Variants in PPP1R9A observed in about 807,000 individuals in gnomAD.
PPP1R9A encodes the protein protein phosphatase 1 regulatory subunit 9A.
Under a neutral mutation model 141.9 loss-of-function variants are expected in PPP1R9A, and 59 were observed. The ratio of observed to expected loss-of-function variants is 0.42; its 90% CI spans 0.34 to 0.52. PPP1R9A has a LOEUF of 0.52. Among genes scored for constraint, PPP1R9A ranks in the 20% least tolerant of loss-of-function variants. PPP1R9A has a pLI of 0.10. For missense variants in PPP1R9A, 1,444 were observed against 1,611.9 expected, an observed-to-expected ratio of 0.90 and a Z score of 1.78; for synonymous variants, 500 against 569.7, an observed-to-expected ratio of 0.88 and a Z score of 1.74.
chr7:95,196,594 A>G (rs111747752), intron 5 of PPP1R9A, among the ~76,000 whole-genome samples: 95 of 152,290 alleles, frequency 6.2e-4, no homozygotes, highest in African/African-American at 2.1e-3. Context: ...AATGTGGTAT[A>G]TTGAATACAA....
intron 2 of PPP1R9A, among the ~76,000 whole-genome samples, chr7:94,930,586 C>A (rs1355667094): frequency 6.6e-6 from 1 of 152,062 alleles, no homozygotes; most frequent in South Asian, 2.1e-4. Flanking sequence ...TGATTTTGCC[C>A]GCCTCGGCCT....
At chr7:94,990,708 C>T (rs1451901706) in intron 2 of PPP1R9A, among the ~76,000 whole-genome samples, 1 of 151,726 alleles carries the variant, frequency 6.6e-6, no homozygotes, top group African/African-American at 2.4e-5. Context: ...CTTCCTTGTG[C>T]TTCCCCTTCT....
intron 2 of PPP1R9A, among the ~76,000 whole-genome samples, chr7:94,971,214 G>A (rs1385162127): frequency 6.6e-6 from 1 of 152,158 alleles, no homozygotes; most frequent in Admixed American, 6.5e-5. Flanking sequence ...CCTCCCACTG[G>A]GGGTCAGGGT....
At chr7:95,111,611 G>A (rs889940069) in intron 3 of PPP1R9A, among the ~76,000 whole-genome samples, 10 of 152,068 alleles carry the variant, frequency 6.6e-5, no homozygotes, top group African/African-American at 1.2e-4. Context: ...AGCTGGCTGC[G>A]ATGGTGGTTA....
chr7:95,148,038 G>A (rs985550614), intron 4 of PPP1R9A, among the ~76,000 whole-genome samples: 1 of 151,974 alleles, frequency 6.6e-6, no homozygotes, highest in African/African-American at 2.4e-5. Context: ...AAAAATTTTG[G>A]GATGCTGTAA....
chr7:95,195,619 G>T (rs1836149951), intron 5 of PPP1R9A, among the ~76,000 whole-genome samples: 1 of 151,886 alleles, frequency 6.6e-6, no homozygotes, highest in Non-Finnish European at 1.5e-5. Context: ...TTCCTTGAGA[G>T]ATACAATTTA....
At chr7:94,965,688 G>A (rs1798126476) in intron 2 of PPP1R9A, among the ~76,000 whole-genome samples, 1 of 151,900 alleles carries the variant, frequency 6.6e-6, no homozygotes, top group Admixed American at 6.6e-5. Flanking sequence ...TATTTGTTTT[G>A]GGTAGCAGTA....
At chr7:95,219,588 T>C (rs148649175) in intron 7 of PPP1R9A, among the ~76,000 whole-genome samples, 1,720 of 152,194 alleles carry the variant, frequency 0.011, 31 homozygotes, top group Admixed American at 0.041. Flanking sequence ...CCATTCTCCC[T>C]GTCACTTTCA....
In PPP1R9A at chr7:94,991,885, C is replaced by G. The variant is rs915546869; in HGVS notation, c.1395+80377C>G. ...CCTGCTGTTCTTGAACTCCTGAGCT[C>G]AAACGATCCACCCGCCTTGGCCTTC... is the stretch of plus-strand genomic sequence containing the variant. On this transcript the variant is annotated intron_variant, in intron 2 of 19. Transcript: ENST00000433360. Among the ~76,000 whole-genome samples the G allele has an allele frequency of 3.3e-5, 5 of 152,228 alleles. No homozygotes were observed. The East Asian group carries it at 9.6e-4, about 29-fold the overall frequency.
chr7:95,029,327 T>C (rs543831104), intron 2 of PPP1R9A, among the ~76,000 whole-genome samples: 168 of 152,300 alleles, frequency 1.1e-3, no homozygotes, highest in African/African-American at 3.9e-3. Context: ...CCTAACTTAA[T>C]GGAAATTTTT....
intron 2 of PPP1R9A, among the ~76,000 whole-genome samples, chr7:94,957,345 G>A (rs147908428): frequency 6.6e-6 from 1 of 152,034 alleles, no homozygotes; most frequent in Non-Finnish European, 1.5e-5. Context: ...ATGTTTCTGA[G>A]TTCAATCCTG....
intron 2 of PPP1R9A, among the ~76,000 whole-genome samples, chr7:94,975,008 C>T (rs1372907326): frequency 1.3e-5 from 2 of 151,998 alleles, no homozygotes; most frequent in Non-Finnish European, 2.9e-5. Flanking sequence ...GATTCTTAAT[C>T]CATATTTTTC....
At chr7:95,186,985 TC>T in intron 5 of PPP1R9A, among the ~76,000 whole-genome samples, 1 of 152,202 alleles carries the variant, frequency 6.6e-6, no homozygotes, top group East Asian at 1.9e-4. Context: ...TTTTGTTCTG[TC>T]CTTTCCTGGT....
At chr7:94,968,579 A>G (rs547854214) in intron 2 of PPP1R9A, among the ~76,000 whole-genome samples, 32 of 152,106 alleles carry the variant, frequency 2.1e-4, no homozygotes, top group African/African-American at 6.5e-4. Flanking sequence ...TTTTGAGCCT[A>G]TGTGTGTCTT....
At chr7:95,232,770 G>A (rs1796155446) in intron 8 of PPP1R9A, among the ~76,000 whole-genome samples, 1 of 152,168 alleles carries the variant, frequency 6.6e-6, no homozygotes, top group Admixed American at 6.5e-5. Flanking sequence ...ATGAAAAAAA[G>A]CTTATCATCA....
At chr7:95,229,643 C>G (rs1208188074) in intron 8 of PPP1R9A, among the ~76,000 whole-genome samples, 2 of 152,154 alleles carry the variant, frequency 1.3e-5, no homozygotes, top group African/African-American at 4.8e-5. Flanking sequence ...TGAGCTAAGA[C>G]ACTCCTGTCC....
intron 7 of PPP1R9A, among the ~76,000 whole-genome samples, chr7:95,220,780 C>T (rs1197117980): frequency 3.3e-5 from 5 of 152,040 alleles, no homozygotes; most frequent in Non-Finnish European, 7.4e-5. Context: ...GTCAGCTATA[C>T]AGTGGGAGCA....
intron 2 of PPP1R9A, among the ~76,000 whole-genome samples, chr7:95,077,513 G>A (rs1815038937): frequency 6.6e-6 from 1 of 151,978 alleles, no homozygotes; most frequent in Non-Finnish European, 1.5e-5. Flanking sequence ...GCACATTAAA[G>A]GATTTCTTTC....
In PPP1R9A at chr7:95,268,805, T is replaced by C. The variant is rs917457545; in HGVS notation, c.2823+98T>C. 23 of 1,406,332 alleles carry C rather than the reference T, an allele frequency of 1.6e-5. No homozygotes were observed. The African/African-American group carries it at 2.7e-4, about 17-fold the overall frequency. The allele number at this position is 1,406,332 out of a possible 1,614,324, so 87.1% of individuals were successfully genotyped here. A position where few individuals can be genotyped will look rare whatever the true frequency, so the allele number is the denominator to read the frequency against. ...ATGATTTTTCTGCAAACAGAGTCTA[T>C]GTCCTAGTTGGTAAGCAGCTAGAAT... On this transcript the variant is annotated intron_variant, in intron 13 of 19. Coordinates refer to ENST00000433360, the MANE Select transcript of PPP1R9A (RefSeq NM_001166160.2).
Sources: allele counts gnomAD v4.1 joint callset (sites outside exome capture counted in the v4.1 genomes callset), GRCh38; gene constraint gnomAD v4.1.1; transcripts MANE v1.5; gene names NCBI Gene and HGNC (gene_info 2026-07-23, HGNC 2026-07-21).